PDE4D: variants seen among roughly 807,000 people sequenced by gnomAD.
The protein encoded by PDE4D is 3',5'-cyclic-AMP phosphodiesterase 4D.
In PDE4D, 24 loss-of-function variants were observed where a neutral mutation model predicts 87.4. The observed-to-expected ratio is 0.27, with a 90% CI of 0.20 to 0.39. PDE4D has a LOEUF of 0.39. PDE4D is among the 10% of genes least tolerant of loss of function. PDE4D has a pLI of 1.00. For missense variants in PDE4D, 714 were observed against 1,041.0 expected, an observed-to-expected ratio of 0.69 and a Z score of 4.32; for synonymous variants, 384 against 383.2, an observed-to-expected ratio of 1.00 and a Z score of -0.02.
In PDE4D at chr5:59,305,603, T is replaced by C. The variant is rs139405441; in HGVS notation, c.456-89635A>G. Among the ~76,000 whole-genome samples, 643 of 152,266 alleles carry C rather than the reference T, an allele frequency of 4.2e-3. 5 individuals carry two copies. The highest frequency in any genetic ancestry group is 0.041 in the Middle Eastern group (12 of 294). ...CAGAGGTTTTGATAAGTTGTGTCAT[T>C]ATTGTTGTTCAGTTCAAATAATTGT... is the stretch of plus-strand genomic sequence containing the variant. On this transcript the variant is annotated intron_variant, in intron 1 of 14. Transcript: ENST00000340635.
At chr5:59,311,511 A>AC (rs1246707791) in intron 1 of PDE4D, among the ~76,000 whole-genome samples, 6 of 149,970 alleles carry the variant, frequency 4.0e-5, no homozygotes, top group Non-Finnish European at 7.4e-5. Flanking sequence ...AAAAAAAAAA[A>AC]AAAAAAAAAA....
intron 1 of PDE4D, among the ~76,000 whole-genome samples, chr5:59,537,222 A>T (rs868206975): frequency 2.4e-4 from 37 of 152,356 alleles, no homozygotes; most frequent in African/African-American, 8.9e-4. Flanking sequence ...AAGCTTTGAC[A>T]GCTTTGACCA....
chr5:59,283,643 G>T (rs1766276308), intron 1 of PDE4D, among the ~76,000 whole-genome samples: 2 of 151,874 alleles, frequency 1.3e-5, no homozygotes, highest in South Asian at 4.2e-4. Flanking sequence ...TGTTTCCCCT[G>T]CCTGGGGAAC....
At chr5:59,111,851 G>A (rs1772703608) in intron 5 of PDE4D, among the ~76,000 whole-genome samples, 1 of 152,226 alleles carries the variant, frequency 6.6e-6, no homozygotes, top group South Asian at 2.1e-4. Context: ...ATTCAAGAAT[G>A]TACTGAGCAA....
chr5:60,144,579 T>A (rs2149427881), intron 2 of PDE4D, among the ~76,000 whole-genome samples: 1 of 152,328 alleles, frequency 6.6e-6, no homozygotes, highest in Non-Finnish European at 1.5e-5. Context: ...TGGTCTTCAT[T>A]CATTTTATTA....
At chr5:59,403,572 T>C (rs1174825022) in intron 1 of PDE4D, among the ~76,000 whole-genome samples, 1 of 152,134 alleles carries the variant, frequency 6.6e-6, no homozygotes, top group Non-Finnish European at 1.5e-5. Flanking sequence ...GATCTTTCTG[T>C]GCCTGGATAA....
At chr5:59,850,474 AT>A (rs1365162610) in intron 1 of PDE4D, among the ~76,000 whole-genome samples, 28 of 152,166 alleles carry the variant, frequency 1.8e-4, no homozygotes, top group African/African-American at 6.7e-4. Context: ...GGCTGCCTCG[AT>A]TTTAGGACTT....
At chr5:59,271,941 C>G (rs998792027) in intron 1 of PDE4D, among the ~76,000 whole-genome samples, 32 of 151,502 alleles carry the variant, frequency 2.1e-4, no homozygotes. Context: ...AAAAAATAAC[C>G]ACTACCAAAA....
chr5:59,673,493 C>T (rs1490016538), intron 1 of PDE4D, among the ~76,000 whole-genome samples: 1 of 152,102 alleles, frequency 6.6e-6, no homozygotes, highest in African/African-American at 2.4e-5. Context: ...CAAAGTAACA[C>T]GTGCTAATTG....
At chr5:60,473,945 C>T (rs1748064099) in intron 1 of PDE4D, among the ~76,000 whole-genome samples, 1 of 136,302 alleles carries the variant, frequency 7.3e-6, no homozygotes, top group East Asian at 2.2e-4. Context: ...ACCTTTTTTT[C>T]CTAAAGATAA....
At chr5:59,009,227 TC>T (rs1180709839) in intron 6 of PDE4D, among the ~76,000 whole-genome samples, 1 of 152,102 alleles carries the variant, frequency 6.6e-6, no homozygotes, top group Non-Finnish European at 1.5e-5. Context: ...CTTCTAAGTA[TC>T]TACCCATGAG....
At chr5:59,690,576 G>T (rs1487445639) in intron 1 of PDE4D, among the ~76,000 whole-genome samples, 1 of 152,102 alleles carries the variant, frequency 6.6e-6, no homozygotes, top group Non-Finnish European at 1.5e-5. Context: ...ATTCAAGATG[G>T]ATTAAAAACT....
upstream of PDE4D, chr5:60,491,610 T>C (rs1749536511): frequency 6.6e-6 from 1 of 152,226 alleles, no homozygotes; most frequent in African/African-American, 2.4e-5. Context: ...GGTCTTGCTC[T>C]TTGTCTAAGT....
intron 2 of PDE4D, among the ~76,000 whole-genome samples, chr5:60,103,438 C>T (rs1478055713): frequency 1.3e-5 from 2 of 152,042 alleles, no homozygotes; most frequent in Non-Finnish European, 2.9e-5. Flanking sequence ...ATTCCCATAC[C>T]AGCATTCCAG....
At chr5:60,219,616 T>C (rs1169405758) in intron 1 of PDE4D, among the ~76,000 whole-genome samples, 1 of 152,182 alleles carries the variant, frequency 6.6e-6, no homozygotes, top group Non-Finnish European at 1.5e-5. Flanking sequence ...AGTTTACAAA[T>C]TCTGAGGAAG....
In PDE4D at chr5:60,182,328, T is replaced by A. The variant is rs192715415; in HGVS notation, c.42+3229A>T. Among the ~76,000 whole-genome samples, 54 of 152,324 alleles carry A rather than the reference T, an allele frequency of 3.5e-4. 1 individual carries two copies. Among genetic ancestry groups the A allele is most frequent in the Non-Finnish European group, 5.9e-5 (4 of 68,036 alleles). ...CAGATCATTTTCAGTGTTACCAAATTGGGAAAACATACAGATTCCATTATA... is the reference window on the plus strand; with the variant it reads ...CAGATCATTTTCAGTGTTACCAAATAGGGAAAACATACAGATTCCATTATA... On this transcript the variant is annotated intron_variant, in intron 2 of 16. Transcript: ENST00000502484.
chr5:60,360,664 C>A (rs115018030), intron 1 of PDE4D, among the ~76,000 whole-genome samples: 1 of 152,300 alleles, frequency 6.6e-6, no homozygotes, highest in South Asian at 2.1e-4. Context: ...AATTTAAGTA[C>A]CTTCATCCAT....
intron 1 of PDE4D, among the ~76,000 whole-genome samples, chr5:60,337,196 G>T (rs1390873557): frequency 6.7e-6 from 1 of 150,020 alleles, no homozygotes; most frequent in African/African-American, 2.4e-5. Context: ...AGCTGGGCAT[G>T]GTGGCAGGCA....
intron 1 of PDE4D, among the ~76,000 whole-genome samples, chr5:60,252,726 G>A (rs1748615749): frequency 6.6e-6 from 1 of 151,596 alleles, no homozygotes; most frequent in Non-Finnish European, 1.5e-5. Context: ...CAAGAGAGCA[G>A]GAACTGTCTA....
Sources: allele counts gnomAD v4.1 joint callset (sites outside exome capture counted in the v4.1 genomes callset), GRCh38; gene constraint gnomAD v4.1.1; transcripts MANE v1.5; gene names NCBI Gene and HGNC (gene_info 2026-07-23, HGNC 2026-07-21).